The following NAALADL2 variants were observed in gnomAD, a reference collection of about 807,000 sequenced individuals.
NAALADL2 encodes the protein inactive N-acetylated-alpha-linked acidic dipeptidase-like protein 2.
Under a neutral mutation model 87.2 loss-of-function variants are expected in NAALADL2, and 76 were observed. That is an observed-to-expected ratio of 0.87 (90% CI 0.72 to 1.05). The LOEUF (loss-of-function observed/expected upper bound fraction) is 1.05. Among genes scored for constraint, NAALADL2 ranks in the 50% least tolerant of loss-of-function variants. The pLI is 0.00. For missense variants in NAALADL2, 1,089 were observed against 945.8 expected (o/e 1.15, Z -1.99); for synonymous variants, 354 against 331.0 (o/e 1.07, Z -0.75).
intron 1 of NAALADL2, among the ~76,000 whole-genome samples, chr3:175,081,994 G>A (rs767190994): frequency 1.1e-4 from 17 of 152,094 alleles, no homozygotes; most frequent in Non-Finnish European, 2.2e-4. Flanking sequence ...GTCTCACAGT[G>A]CCCTATAACC....
chr3:175,121,090 GT>G (rs1396042558), intron 2 of NAALADL2, among the ~76,000 whole-genome samples: 1 of 151,704 alleles, frequency 6.6e-6, no homozygotes, highest in Non-Finnish European at 1.5e-5. Context: ...ACATCTTCTA[GT>G]TTAGGTTAAT....
At chr3:175,320,725 A>G (rs1231525566) in intron 4 of NAALADL2, among the ~76,000 whole-genome samples, 3 of 152,200 alleles carry the variant, frequency 2.0e-5, no homozygotes, top group African/African-American at 7.2e-5. Context: ...CAAATAAACT[A>G]GAAAATCTAG....
intron 6 of NAALADL2, among the ~76,000 whole-genome samples, chr3:175,462,374 T>C (rs1723277579): frequency 6.6e-6 from 1 of 152,190 alleles, no homozygotes; most frequent in African/African-American, 2.4e-5. Context: ...AAGGCCTCTT[T>C]ACTTTTGTTT....
chr3:175,429,176 T>TACAC (rs749991023), intron 5 of NAALADL2, among the ~76,000 whole-genome samples: 57 of 125,642 alleles, frequency 4.5e-4, no homozygotes, highest in South Asian at 3.0e-3. Context: ...TATATATATG[T>TACAC]ACACACACAC....
At chr3:174,761,333 AG>A (rs1464599362) in intron 3 of NAALADL2, among the ~76,000 whole-genome samples, 1 of 152,156 alleles carries the variant, frequency 6.6e-6, no homozygotes, top group East Asian at 1.9e-4. Flanking sequence ...AACTAACAAA[AG>A]TTTGAATAGT....
Position 175,058,888 on chromosome 3 carries a change from G to A in NAALADL2, c.44-37902G>A, listed in dbSNP as rs541881310. Among the ~76,000 whole-genome samples, 9 of 152,268 alleles carry A rather than the reference G, an allele frequency of 5.9e-5. No individual in the cohort carries two copies. In the South Asian group the frequency reaches 1.9e-3, roughly 32 times the overall value. On this transcript the variant is annotated intron_variant, in intron 1 of 13. Coordinates refer to ENST00000454872, the MANE Select transcript of NAALADL2 (RefSeq NM_207015.3). Reference sequence around the variant, plus strand: ...ATCCTGCCATTGGTGAAAAGAAAAAGTAGTGAATAGATTAGATGGCTCAGT... The same window carrying A: ...ATCCTGCCATTGGTGAAAAGAAAAAATAGTGAATAGATTAGATGGCTCAGT...
At chr3:175,716,095 G>A (rs1445921438) in intron 11 of NAALADL2, among the ~76,000 whole-genome samples, 1 of 147,454 alleles carries the variant, frequency 6.8e-6, no homozygotes, top group Admixed American at 6.9e-5. Context: ...TATATCATAT[G>A]TAATATTATA....
intron 13 of NAALADL2, among the ~76,000 whole-genome samples, chr3:175,768,617 A>G (rs1749063537): frequency 6.6e-6 from 1 of 152,214 alleles, no homozygotes; most frequent in Non-Finnish European, 1.5e-5. Flanking sequence ...TGGGAGGCCA[A>G]GGTGGGCAGA....
intron 6 of NAALADL2, among the ~76,000 whole-genome samples, chr3:175,452,810 G>A (rs1174510541): frequency 6.6e-6 from 1 of 152,144 alleles, no homozygotes; most frequent in East Asian, 1.9e-4. Flanking sequence ...CACTTTGAAG[G>A]ACTGTTCATC....
intron 1 of NAALADL2, among the ~76,000 whole-genome samples, chr3:175,093,560 C>A (rs1720568572): frequency 6.8e-6 from 1 of 147,994 alleles, no homozygotes; most frequent in Admixed American, 6.8e-5. Flanking sequence ...GTATATAATA[C>A]ATTTATATAT....
chr3:175,106,608 C>T (rs565758175), intron 2 of NAALADL2, among the ~76,000 whole-genome samples: 1 of 152,190 alleles, frequency 6.6e-6, no homozygotes, highest in Non-Finnish European at 1.5e-5. Flanking sequence ...TCCTGACACT[C>T]ATGCTATAGA....
At chr3:174,495,369 G>A (rs1010702954) in intron 1 of NAALADL2, among the ~76,000 whole-genome samples, 3 of 151,468 alleles carry the variant, frequency 2.0e-5, no homozygotes, top group African/African-American at 7.3e-5. Flanking sequence ...TTATATACCA[G>A]TTCAATTCAG....
At chr3:175,332,433 T>C (rs1281369796) in intron 5 of NAALADL2, among the ~76,000 whole-genome samples, 2 of 152,156 alleles carry the variant, frequency 1.3e-5, no homozygotes, top group African/African-American at 2.4e-5. Context: ...TCCAAGTAGC[T>C]GGGACCAAAG....
chr3:175,638,600 G>A (rs1728859636), intron 11 of NAALADL2, among the ~76,000 whole-genome samples: 1 of 152,126 alleles, frequency 6.6e-6, no homozygotes, highest in South Asian at 2.1e-4. Flanking sequence ...TTGGCAACAT[G>A]GATTGCACAG....
At chr3:175,693,982 C>G (rs187150863) in intron 11 of NAALADL2, among the ~76,000 whole-genome samples, 1 of 152,154 alleles carries the variant, frequency 6.6e-6, no homozygotes, top group East Asian at 1.9e-4. Context: ...CATGAGCCAC[C>G]GTGCCTGGCC....
chr3:174,696,964 A>G (rs1413994458), intron 2 of NAALADL2, among the ~76,000 whole-genome samples: 1 of 152,152 alleles, frequency 6.6e-6, no homozygotes, highest in Non-Finnish European at 1.5e-5. Context: ...AACAAGAACA[A>G]GGCAAATCTT....
At chr3:174,683,205 G>T (rs1727714091) in intron 2 of NAALADL2, among the ~76,000 whole-genome samples, 2 of 152,050 alleles carry the variant, frequency 1.3e-5, no homozygotes, top group Admixed American at 1.3e-4. Flanking sequence ...AAAATACAAA[G>T]TCAGAGGAGA....
intron 7 of NAALADL2, among the ~76,000 whole-genome samples, chr3:175,465,242 ACT>A (rs1723803467): frequency 7.1e-6 from 1 of 140,242 alleles, no homozygotes; most frequent in Admixed American, 7.2e-5. Flanking sequence ...ACAGAGCGAG[ACT>A]CTATCTCAAA....
rs557508067 is a variant in NAALADL2, at chr3:174,654,480, A to G, written c.-114-83161A>G. ...TTTCTTTTTCTCAGGTGCCATAATT[A>G]TCCCACAAAAATAATTGTCAGATAG... On this transcript the variant is annotated intron_variant, in intron 2 of 3. Coordinates refer to the NAALADL2 transcript ENST00000434257. Among the ~76,000 whole-genome samples the G allele has an allele frequency of 9.2e-5, 14 of 152,294 alleles. No homozygotes were observed. The South Asian group carries it at 2.7e-3, about 29-fold the overall frequency.
Sources: gnomAD v4.1 joint callset for allele counts (sites outside exome capture counted in the v4.1 genomes callset) on GRCh38, gnomAD v4.1.1 for gene constraint, MANE v1.5 for transcripts, NCBI Gene and HGNC (gene_info 2026-07-23, HGNC 2026-07-21) for gene names.